Variants in CALN1 observed in about 807,000 individuals in gnomAD.
CALN1 encodes the protein calneuron 1.
CALN1 carries 17 observed loss-of-function variants against 30.6 expected under a neutral mutation model. That is an observed-to-expected ratio of 0.56 (90% confidence interval 0.38 to 0.83). The LOEUF (loss-of-function observed/expected upper bound fraction) is 0.83. CALN1 is among the 40% of genes least tolerant of loss of function. CALN1 has a pLI of 0.00. For missense variants in CALN1, 291 were observed against 354.9 expected, an observed-to-expected ratio of 0.82 and a Z score of 1.45; for synonymous variants, 156 against 131.4, an observed-to-expected ratio of 1.19 and a Z score of -1.28.
intron 3 of CALN1, among the ~76,000 whole-genome samples, chr7:72,214,763 C>T (rs563514165): frequency 3.3e-5 from 5 of 152,156 alleles, no homozygotes; most frequent in African/African-American, 9.6e-5. Context: ...CACTCCCCGC[C>T]GCTCGCATTC....
intron 3 of CALN1, among the ~76,000 whole-genome samples, chr7:72,203,814 T>C (rs1791609437): frequency 6.6e-6 from 1 of 151,876 alleles, no homozygotes; most frequent in African/African-American, 2.4e-5. Flanking sequence ...TTAATAACAT[T>C]TTTTTTTCTA....
At chr7:72,350,349 T>A (rs1473431864) in intron 2 of CALN1, among the ~76,000 whole-genome samples, 1 of 152,174 alleles carries the variant, frequency 6.6e-6, no homozygotes, top group Non-Finnish European at 1.5e-5. Context: ...ATCACAGCAC[T>A]ATTCACAATA....
intron 5 of CALN1, among the ~76,000 whole-genome samples, chr7:71,884,080 A>AT (rs1204363023): frequency 6.6e-6 from 1 of 151,842 alleles, no homozygotes; most frequent in Non-Finnish European, 1.5e-5. Flanking sequence ...CGCCCAGCTA[A>AT]TTTTTTGTAT....
chr7:72,379,468 A>T (rs1027277893), intron 2 of CALN1, among the ~76,000 whole-genome samples: 28 of 152,262 alleles, frequency 1.8e-4, no homozygotes, highest in African/African-American at 6.5e-4. Flanking sequence ...AATACAACAG[A>T]TATACCAGAA....
intron 2 of CALN1, among the ~76,000 whole-genome samples, chr7:72,389,699 CA>C (rs1805455348): frequency 6.6e-6 from 1 of 152,188 alleles, no homozygotes; most frequent in African/African-American, 2.4e-5. Flanking sequence ...GCAAGTGGAT[CA>C]CCTGAGGTCA....
chr7:72,441,770 A>G (rs1246782516), intron 1 of CALN1, among the ~76,000 whole-genome samples: 2 of 151,910 alleles, frequency 1.3e-5, no homozygotes, highest in Admixed American at 6.6e-5. Context: ...TAACCTGTAA[A>G]TAGCTGTGAT....
intron 5 of CALN1, among the ~76,000 whole-genome samples, chr7:71,903,361 A>G (rs56021743): frequency 0.086 from 13,032 of 152,184 alleles, 952 homozygotes; most frequent in East Asian, 0.42. Flanking sequence ...AGACACATAG[A>G]CCCAAGGAAC....
intron 2 of CALN1, 23 bp from the exon 3 acceptor site, chr7:72,278,833 G>A (rs769131382): frequency 6.3e-7 from 1 of 1,592,650 alleles, no homozygotes; most frequent in East Asian, 2.3e-5. Context: ...GAACAGGGGA[G>A]GGGAAAAGAA....
intron 5 of CALN1, among the ~76,000 whole-genome samples, chr7:71,976,929 C>T (rs747301455): frequency 1.1e-4 from 17 of 152,158 alleles, no homozygotes; most frequent in Non-Finnish European, 2.2e-4. Flanking sequence ...GATAACTGCG[C>T]ATGCCCAAGG....
intron 2 of CALN1, among the ~76,000 whole-genome samples, chr7:72,294,776 A>G (rs895988915): frequency 6.6e-6 from 1 of 151,738 alleles, no homozygotes; most frequent in Non-Finnish European, 1.5e-5. Flanking sequence ...AAATAAATAA[A>G]TAAATACAGA....
At chr7:72,224,688 C>T (rs919690163) in intron 3 of CALN1, among the ~76,000 whole-genome samples, 14 of 150,794 alleles carry the variant, frequency 9.3e-5, no homozygotes, top group Admixed American at 3.3e-4. Context: ...GGCTGAGACA[C>T]GAGAATCGCT....
chr7:71,984,042 AAT>A (rs1798539390), intron 5 of CALN1, among the ~76,000 whole-genome samples: 1 of 152,210 alleles, frequency 6.6e-6, no homozygotes, highest in Non-Finnish European at 1.5e-5. Context: ...TAATCTAAAA[AAT>A]ATATATAAAC....
intron 2 of CALN1, among the ~76,000 whole-genome samples, chr7:72,333,046 C>A (rs1334968127): frequency 6.6e-6 from 1 of 152,238 alleles, no homozygotes; most frequent in Non-Finnish European, 1.5e-5. Flanking sequence ...CTGTCTCAAC[C>A]TTTAAGCACC....
chr7:72,308,836 T>C lies in CALN1; in HGVS notation c.120-30026A>G, dbSNP rs536094367. ...AACTTTCATGGAGTGATAATGATTC[T>C]AGAAGCTTCCCTGGGGATCATTCCC... is the stretch of plus-strand genomic sequence containing the variant. On this transcript the variant is annotated intron_variant, in intron 2 of 6. Coordinates refer to ENST00000395275, the MANE Select transcript of CALN1 (RefSeq NM_031468.4). Among the ~76,000 whole-genome samples, 306 of 152,292 alleles carry C rather than the reference T, an allele frequency of 2.0e-3. 2 individuals are homozygous for C. The highest frequency in any genetic ancestry group is 0.017 in the Middle Eastern group (5 of 294).
chr7:72,086,220 T>C (rs957898289), intron 4 of CALN1, among the ~76,000 whole-genome samples: 1 of 152,100 alleles, frequency 6.6e-6, no homozygotes, highest in Non-Finnish European at 1.5e-5. Flanking sequence ...ATAAACTAAA[T>C]ATTGTTAAAG....
chr7:72,261,044 TC>T lies in CALN1; in HGVS notation c.244+17641del, dbSNP rs754569568. ...ATCAGTAGGCTGGGCACGGTGGCTC[TC>T]GCCTGTAATCCCAGCACTTTGAGAG... On this transcript the variant is annotated intron_variant, in intron 3 of 6. Coordinates refer to ENST00000395275, the MANE Select transcript of CALN1 (RefSeq NM_031468.4). 9.9e-5 allele frequency among the ~76,000 whole-genome samples: 15 copies of T among 152,220 alleles called. No individual in the cohort carries two copies. The East Asian group carries it at 2.9e-3, about 29-fold the overall frequency.
intron 5 of CALN1, among the ~76,000 whole-genome samples, chr7:71,935,866 AAAATGC>A (rs1795802535): frequency 6.6e-6 from 1 of 152,200 alleles, no homozygotes; most frequent in Non-Finnish European, 1.5e-5. Context: ...GCTTGACCAC[AAAATGC>A]AATCTACAGG....
intron 3 of CALN1, among the ~76,000 whole-genome samples, chr7:72,222,344 C>T (rs1793367418): frequency 6.6e-6 from 1 of 152,178 alleles, no homozygotes; most frequent in South Asian, 2.1e-4. Context: ...GGCCAGGCCT[C>T]AGGAAACTTG....
chr7:72,177,033 A>G (rs61538669), intron 3 of CALN1, among the ~76,000 whole-genome samples: 1,847 of 152,298 alleles, frequency 0.012, 31 homozygotes, highest in African/African-American at 0.04. Context: ...AGCCATCCTC[A>G]TATTACATCT....
Sources: allele counts gnomAD v4.1 joint callset (sites outside exome capture counted in the v4.1 genomes callset), GRCh38; gene constraint gnomAD v4.1.1; transcripts MANE v1.5; gene names NCBI Gene and HGNC (gene_info 2026-07-23, HGNC 2026-07-21).